FBXW10B: variants seen among roughly 807,000 people sequenced by gnomAD.
FBXW10B encodes F-box and WD repeat domain containing 10B.
At chr17:15,605,303 G>T in the FBXW10B span, 2 of 1,597,194 alleles carry the variant, frequency 1.3e-6, no homozygotes, top group South Asian at 2.3e-5. Flanking sequence ...TCCCAGCATG[G>T]CCTCGGAATT....
the FBXW10B span, among the ~76,000 whole-genome samples, chr17:15,606,641 GTGTATATATATA>G: frequency 6.9e-6 from 1 of 144,902 alleles, no homozygotes; most frequent in African/African-American, 2.8e-5. Flanking sequence ...ATATGTATAT[GTGTATATATATA>G]TGTGTGTGTA....
At chr17:15,613,668 T>C in the FBXW10B span, 3 of 1,600,038 alleles carry the variant, frequency 1.9e-6, no homozygotes, top group Non-Finnish European at 2.6e-6. Flanking sequence ...AAGTCCATCT[T>C]GACCTGTTGA....
chr17:15,571,502 C>T, the FBXW10B span: 1 of 152,140 alleles, frequency 6.6e-6, no homozygotes, highest in Non-Finnish European at 1.5e-5. Context: ...GCATAATTAA[C>T]ATTTATTAAA....
the FBXW10B span, chr17:15,612,833 CAAAA>C: frequency 1.3e-6 from 2 of 1,584,042 alleles, no homozygotes; most frequent in Non-Finnish European, 1.7e-6. Flanking sequence ...CCTGGAAAAA[CAAAA>C]AAAAACCAAA....
At chr17:15,604,036 C>T in the FBXW10B span, among the ~76,000 whole-genome samples, 4 of 146,630 alleles carry the variant, frequency 2.7e-5, no homozygotes, top group African/African-American at 5.1e-5. Flanking sequence ...GCCAACATGG[C>T]GCCACTGCCC....
the FBXW10B span, among the ~76,000 whole-genome samples, chr17:15,602,089 G>A: frequency 6.7e-6 from 1 of 150,316 alleles, no homozygotes; most frequent in Non-Finnish European, 1.5e-5. Flanking sequence ...TCTAGCCTGG[G>A]CGAGAGAGCG....
chr17:15,575,123 G>A, the FBXW10B span, among the ~76,000 whole-genome samples: 1 of 146,888 alleles, frequency 6.8e-6, no homozygotes, highest in Non-Finnish European at 1.5e-5. Flanking sequence ...AAAAGTGAAC[G>A]TTCCCAATAT....
chr17:15,593,470 A>C, the FBXW10B span: 2 of 1,614,174 alleles, frequency 1.2e-6, no homozygotes, highest in African/African-American at 1.3e-5. Flanking sequence ...ACCCGGAGGA[A>C]GAGAAGGGAC....
At chr17:15,588,738 C>T in the FBXW10B span, 1 of 741,184 alleles carries the variant, frequency 1.3e-6, no homozygotes, top group South Asian at 1.6e-5. Flanking sequence ...TCAGCCAGAT[C>T]AGTGCTGCCT....
the FBXW10B span, among the ~76,000 whole-genome samples, chr17:15,611,451 G>A: frequency 3.9e-5 from 6 of 152,210 alleles, no homozygotes; most frequent in Admixed American, 6.5e-5. Flanking sequence ...ATGGTCTAGC[G>A]GTCAGGGGCC....
the FBXW10B span, chr17:15,593,643 T>TG: frequency 3.2e-6 from 3 of 946,494 alleles, no homozygotes; most frequent in Non-Finnish European, 4.6e-6. Flanking sequence ...TTTTTTTTTT[T>TG]TTGAGATGGA....
At chr17:15,570,311 C>T in the FBXW10B span, among the ~76,000 whole-genome samples, 1 of 152,108 alleles carries the variant, frequency 6.6e-6, no homozygotes. Flanking sequence ...ACGCTGTAGA[C>T]CTTGACAGAC....
the FBXW10B span, among the ~76,000 whole-genome samples, chr17:15,594,210 C>T: frequency 6.7e-3 from 1,014 of 152,084 alleles, 8 homozygotes; most frequent in African/African-American, 0.023. Context: ...AGGTGGCTCA[C>T]GCCTGTAATC....
chr17:15,615,568 C>T, the FBXW10B span: 2 of 1,588,886 alleles, frequency 1.3e-6, no homozygotes, highest in African/African-American at 1.3e-5. Context: ...TTGCCTCGGC[C>T]TCCCAAAGTG....
At chr17:15,584,674 G>A in the FBXW10B span, among the ~76,000 whole-genome samples, 4 of 152,172 alleles carry the variant, frequency 2.6e-5, no homozygotes, top group African/African-American at 9.7e-5. Flanking sequence ...GTGCCTGGAT[G>A]CTGAGAGTGA....
At chr17:15,613,474 G>A in the FBXW10B span, 16 of 766,574 alleles carry the variant, frequency 2.1e-5, no homozygotes, top group South Asian at 2.9e-4. Flanking sequence ...CCAAAAAGAA[G>A]GGACCCAGGA....
At chr17:15,578,083 CA>C in the FBXW10B span, among the ~76,000 whole-genome samples, 17 of 151,578 alleles carry the variant, frequency 1.1e-4, no homozygotes, top group African/African-American at 4.1e-4. Flanking sequence ...AGAAGTGTTT[CA>C]GGGGGCAAGG....
the FBXW10B span, among the ~76,000 whole-genome samples, chr17:15,608,798 GT>G: frequency 6.6e-6 from 1 of 152,142 alleles, no homozygotes; most frequent in African/African-American, 2.4e-5. Flanking sequence ...ACTTTCATTT[GT>G]CCTTGTAGCT....
At chr17:15,591,382 TG>T in the FBXW10B span, among the ~76,000 whole-genome samples, 1 of 152,216 alleles carries the variant, frequency 6.6e-6, no homozygotes, top group East Asian at 1.9e-4. Flanking sequence ...CTCCGCCTCC[TG>T]GGTTCAAGCG....
Sources: gnomAD v4.1 joint callset for allele counts (sites outside exome capture counted in the v4.1 genomes callset) on GRCh38, gnomAD v4.1.1 for gene constraint, MANE v1.5 for transcripts, NCBI Gene and HGNC (gene_info 2026-07-23, HGNC 2026-07-21) for gene names.